The following CDH13 variants were observed in gnomAD, a reference collection of about 807,000 sequenced individuals.
The protein encoded by CDH13 is cadherin-13.
In CDH13, 24 loss-of-function variants were observed where a neutral mutation model predicts 63.8. The observed-to-expected ratio is 0.38, with a 90% CI of 0.27 to 0.53. The LOEUF (loss-of-function observed/expected upper bound fraction) is 0.53, where lower values mean the gene tolerates loss of function less well. CDH13 is among the 20% of genes least tolerant of loss of function. The pLI is 0.85. For missense variants in CDH13, 1,049 were observed against 903.1 expected, an observed-to-expected ratio of 1.16 and a Z score of -2.07; for synonymous variants, 503 against 355.3, an observed-to-expected ratio of 1.42 and a Z score of -4.67.
chr16:82,879,064 C>G (rs2040602062), intron 2 of CDH13, among the ~76,000 whole-genome samples: 1 of 152,122 alleles, frequency 6.6e-6, no homozygotes, highest in Non-Finnish European at 1.5e-5. Flanking sequence ...ATGGTCAGCT[C>G]CCACCAGCTC....
At chr16:82,944,238 G>A (rs1355716598) in intron 2 of CDH13, among the ~76,000 whole-genome samples, 3 of 152,132 alleles carry the variant, frequency 2.0e-5, no homozygotes, top group Non-Finnish European at 4.4e-5. Flanking sequence ...TCCATTCATG[G>A]GATTTGGTTT....
intron 10 of CDH13, among the ~76,000 whole-genome samples, chr16:83,697,494 G>A (rs928762418): frequency 6.6e-6 from 1 of 152,214 alleles, no homozygotes; most frequent in African/African-American, 2.4e-5. Flanking sequence ...ATGAGTTACA[G>A]CTCTGCTGAC....
chr16:83,557,270 C>A (rs987144423), intron 7 of CDH13, among the ~76,000 whole-genome samples: 1 of 152,160 alleles, frequency 6.6e-6, no homozygotes, highest in Non-Finnish European at 1.5e-5. Flanking sequence ...GCTCAGGACT[C>A]CCACAGATTC....
intron 6 of CDH13, among the ~76,000 whole-genome samples, chr16:83,409,483 G>A (rs1597954145): frequency 2.0e-5 from 3 of 152,344 alleles, no homozygotes; most frequent in Admixed American, 2.0e-4. Flanking sequence ...ATGGTTAAGG[G>A]TTTGGTTTGG....
At chr16:83,683,735 A>G (rs1217735165) in intron 10 of CDH13, among the ~76,000 whole-genome samples, 1 of 152,252 alleles carries the variant, frequency 6.6e-6, no homozygotes, top group Non-Finnish European at 1.5e-5. Context: ...CAAGTCCCTG[A>G]AAATACTTTG....
intron 6 of CDH13, among the ~76,000 whole-genome samples, chr16:83,376,953 G>A (rs2091470922): frequency 6.6e-6 from 1 of 152,126 alleles, no homozygotes; most frequent in South Asian, 2.1e-4. Context: ...TGCCCTGTGT[G>A]GAGATGCTCA....
At chr16:83,411,376 A>G (rs1314437811) in intron 6 of CDH13, among the ~76,000 whole-genome samples, 1 of 152,084 alleles carries the variant, frequency 6.6e-6, no homozygotes, top group Admixed American at 6.5e-5. Flanking sequence ...CAAGCATCCA[A>G]TGTATATCAC....
chr16:83,789,337 C>CTTTTTTTTTTTTTT (rs148503283), intron 13 of CDH13, among the ~76,000 whole-genome samples: 13 of 132,242 alleles, frequency 9.8e-5, no homozygotes, highest in Non-Finnish European at 1.9e-4. Flanking sequence ...TAGTAGCTTT[C>CTTTTTTTTTTTTTT]TTTTTTTTTG....
At chr16:82,844,997 C>T (rs1597782647) in intron 1 of CDH13, among the ~76,000 whole-genome samples, 2 of 151,956 alleles carry the variant, frequency 1.3e-5, no homozygotes, top group East Asian at 3.9e-4. Context: ...AACTTTGTTA[C>T]AGCAGCATTA....
At chr16:83,582,653 G>A (rs1905731333) in intron 7 of CDH13, among the ~76,000 whole-genome samples, 1 of 152,174 alleles carries the variant, frequency 6.6e-6, no homozygotes, top group Non-Finnish European at 1.5e-5. Flanking sequence ...TCACTTCCCA[G>A]CCGTGGGACA....
chr16:82,842,103 T>TAC (rs2039036852), intron 1 of CDH13, among the ~76,000 whole-genome samples: 1 of 33,632 alleles, frequency 3.0e-5, no homozygotes, highest in Non-Finnish European at 5.7e-5. Context: ...TATATATATA[T>TAC]ATATATATGT....
intron 10 of CDH13, among the ~76,000 whole-genome samples, chr16:83,710,980 T>C (rs1907951922): frequency 1.3e-5 from 2 of 152,192 alleles, no homozygotes; most frequent in Admixed American, 6.5e-5. Context: ...ACAGGCATAC[T>C]GGGACTCAAC....
chr16:82,944,513 C>T (rs150563714), intron 2 of CDH13, among the ~76,000 whole-genome samples: 3 of 152,222 alleles, frequency 2.0e-5, no homozygotes, highest in African/African-American at 7.2e-5. Flanking sequence ...TTGGCAATGT[C>T]TGGAGATAAT....
At chr16:82,714,428 A>C (rs1246036688) in intron 1 of CDH13, among the ~76,000 whole-genome samples, 1 of 152,156 alleles carries the variant, frequency 6.6e-6, no homozygotes, top group African/African-American at 2.4e-5. Context: ...TAAGAAGAAA[A>C]GAGGGTCGGG....
chr16:83,578,351 T>A (rs529831263), intron 7 of CDH13, among the ~76,000 whole-genome samples: 2 of 152,292 alleles, frequency 1.3e-5, no homozygotes, highest in South Asian at 4.1e-4. Context: ...GACCGGGCGG[T>A]CAATCCCTGG....
At chr16:83,697,512 G>A (rs1193602886) in intron 10 of CDH13, among the ~76,000 whole-genome samples, 1 of 152,256 alleles carries the variant, frequency 6.6e-6, no homozygotes, top group South Asian at 2.1e-4. Context: ...GACCGTGAGT[G>A]CAATGTTAGT....
chr16:83,421,470 C>T (rs1229191272), intron 6 of CDH13, among the ~76,000 whole-genome samples: 2 of 152,160 alleles, frequency 1.3e-5, no homozygotes, highest in East Asian at 3.9e-4. Flanking sequence ...CTTCTTGTCC[C>T]TGTGTTTATT....
chr16:83,202,020 A>G (rs1263325215), intron 4 of CDH13, among the ~76,000 whole-genome samples: 1 of 152,228 alleles, frequency 6.6e-6, no homozygotes, highest in Non-Finnish European at 1.5e-5. Flanking sequence ...CACAAGCATT[A>G]AGAACTCTAT....
intron 2 of CDH13, among the ~76,000 whole-genome samples, chr16:82,938,941 G>C (rs1158460561): frequency 3.3e-5 from 5 of 152,126 alleles, no homozygotes; most frequent in Non-Finnish European, 7.4e-5. Context: ...CTTCCAACCA[G>C]AGGGGCATCA....
Sources: gnomAD v4.1 joint callset for allele counts (sites outside exome capture counted in the v4.1 genomes callset) on GRCh38, gnomAD v4.1.1 for gene constraint, MANE v1.5 for transcripts, NCBI Gene and HGNC (gene_info 2026-07-23, HGNC 2026-07-21) for gene names.